Variants in TMCO4 observed in about 807,000 individuals in gnomAD.
TMCO4 encodes the protein transmembrane and coiled-coil domains 4, also known as transmembrane and coiled-coil domain-containing protein 4.
TMCO4 carries 58 observed loss-of-function variants against 64.7 expected under a neutral mutation model. That is an observed-to-expected ratio of 0.90 (90% CI 0.73 to 1.12). The LOEUF (loss-of-function observed/expected upper bound fraction) is 1.12. Among genes scored for constraint, TMCO4 ranks in the 50% most tolerant of loss-of-function variants. The pLI is 0.00. For missense variants in TMCO4, 780 were observed against 825.9 expected (o/e 0.94, Z 0.68); for synonymous variants, 325 against 346.1 (o/e 0.94, Z 0.68).
intron 13 of TMCO4, among the ~76,000 whole-genome samples, chr1:19,728,971 G>A (rs374661119): frequency 2.6e-5 from 4 of 152,150 alleles, no homozygotes; most frequent in Admixed American, 1.3e-4. Context: ...CTAATTGACC[G>A]TGAAGTTCTA....
chr1:19,705,180 G>A (rs1395524217), intron 13 of TMCO4, among the ~76,000 whole-genome samples: 1 of 152,178 alleles, frequency 6.6e-6, no homozygotes, highest in African/African-American at 2.4e-5. Context: ...GGCGGGCACC[G>A]TGGCTCACAC....
rs58086101 is a variant in TMCO4, at chr1:19,791,308, CTTAAAA to C, written c.-100-4197_-100-4192del. Among the ~76,000 whole-genome samples, 725 of 150,390 alleles carry C rather than the reference CTTAAAA, an allele frequency of 4.8e-3. 5 individuals carry two copies. Among genetic ancestry groups the C allele is most frequent in the African/African-American group, 0.016 (650 of 40,404 alleles). On this transcript the variant is annotated intron_variant, in intron 2 of 15. Coordinates refer to ENST00000294543, the MANE Select transcript of TMCO4 (RefSeq NM_181719.7). ...TACATCCTGTACATGTATCCCAGAA[CTTAAAA>C]TTAAAATTAAAATTAAAATTAAAAA...
rs979868643 is a variant in TMCO4 at position 19,743,812 on chromosome 1, C to T, written c.877+1720G>A. 2.0e-5 allele frequency among the ~76,000 whole-genome samples: 3 copies of T among 152,190 alleles called. No individual in the cohort carries two copies. The highest frequency in any genetic ancestry group is 3.8e-4 in the East Asian group (2 of 5,200). Reference sequence around the variant, plus strand: ...GTTTGAATTGTGCATCTGCTACTCCCCTGCCAGGGTTCCTCTTCCAACAGA... The same window carrying T: ...GTTTGAATTGTGCATCTGCTACTCCTCTGCCAGGGTTCCTCTTCCAACAGA... On this transcript the variant is annotated intron_variant, in intron 10 of 15. Transcript: ENST00000294543. The surrounding 1 kb of genome is among the most constrained non-coding windows in gnomAD (Gnocchi z 4.1).
intron 14 of TMCO4, 43 bp from the exon 15 acceptor site, chr1:19,694,594 C>A: frequency 6.3e-7 from 1 of 1,590,260 alleles, no homozygotes; most frequent in Non-Finnish European, 8.6e-7. Context: ...GCACCAGCCT[C>A]GGACAGCCCA....
rs535227898 is a variant in TMCO4 at position 19,753,313 on chromosome 1, T to C, written c.515+2321A>G. 2.6e-5 allele frequency among the ~76,000 whole-genome samples: 4 copies of C among 152,340 alleles called. No homozygotes were observed. The East Asian group carries it at 7.7e-4, about 29-fold the overall frequency. On this transcript the variant is annotated intron_variant, in intron 7 of 15. Transcript: ENST00000294543. Reference sequence around the variant, plus strand: ...CATGAGCTCACATCTTCTGAGACTCTACTATGTGCCAAGCACGGGTCCCAG... The same window carrying C: ...CATGAGCTCACATCTTCTGAGACTCCACTATGTGCCAAGCACGGGTCCCAG...
intron 10 of TMCO4, among the ~76,000 whole-genome samples, chr1:19,741,388 T>C (rs2095478411): frequency 6.6e-6 from 1 of 152,208 alleles, no homozygotes; most frequent in Non-Finnish European, 1.5e-5. Context: ...AGCACAGCGC[T>C]GTGAGTCTGC....
chr1:19,695,855 C>A (rs776715342), intron 14 of TMCO4, among the ~76,000 whole-genome samples: 1 of 152,160 alleles, frequency 6.6e-6, no homozygotes, highest in Non-Finnish European at 1.5e-5. Flanking sequence ...CTAACTCCTT[C>A]CCCACTGTAA....
intron 12 of TMCO4, among the ~76,000 whole-genome samples, 158 bp from the exon 13 acceptor site, chr1:19,737,614 ATC>A (rs2095461312): frequency 6.6e-6 from 1 of 152,254 alleles, no homozygotes; most frequent in Non-Finnish European, 1.5e-5. Context: ...TGATGTCTTA[ATC>A]AGCAGAGTCA....
At chr1:19,728,151 G>C (rs2100774862) in intron 13 of TMCO4, among the ~76,000 whole-genome samples, 1 of 152,282 alleles carries the variant, frequency 6.6e-6, no homozygotes, top group South Asian at 2.1e-4. Flanking sequence ...ACAAACTCCA[G>C]TAACATGAGT....
rs202018647 is a variant in TMCO4 at position 19,747,256 on chromosome 1, C to T, written c.520G>A (p.Ala174Thr). 289 of 1,613,138 alleles carry T rather than the reference C, an allele frequency of 1.8e-4. 6 individuals are homozygous for T. In the East Asian group the frequency reaches 6.3e-3, roughly 35 times the overall value. ...TCTTTCTTCTTTCGGGATGCCTCGG[C>T]CATTCTGAGGGAAAAGAGGCTGGTC... ...KEIKEEESEMAEASRKKKENR... is the reference protein window; with the variant it reads ...KEIKEEESEMTEASRKKKENR... Residue 174 changes from alanine to threonine, a missense_variant, in exon 8 of 16, where the codon GCC becomes ACC. Ala to Thr is a moderately conservative substitution (Grantham distance 58). Transcript: ENST00000294543.
intron 13 of TMCO4, among the ~76,000 whole-genome samples, chr1:19,727,170 G>A (rs11589741): frequency 6.6e-6 from 1 of 152,216 alleles, no homozygotes; most frequent in African/African-American, 2.4e-5. Flanking sequence ...TGGTGGGTCA[G>A]CTTCTGCGAC....
At position 19,767,007 on chromosome 1, in the gene TMCO4, T is replaced by A. The variant is rs1439697844; in HGVS notation, c.382+3535A>T. ...GCTGTTCCTCTTACCTGCTGGCACC[T>A]GTTGAGGCTATCAGATAAACCAAAG... On this transcript the variant is annotated intron_variant, in intron 6 of 15. Transcript: ENST00000294543. 2.0e-5 allele frequency among the ~76,000 whole-genome samples: 3 copies of A among 152,190 alleles called. No homozygotes were observed. The East Asian group carries it at 5.8e-4, about 29-fold the overall frequency.
chr1:19,785,996 C>T (rs577586741), intron 3 of TMCO4, among the ~76,000 whole-genome samples: 1 of 152,272 alleles, frequency 6.6e-6, no homozygotes, highest in East Asian at 1.9e-4. Context: ...CAGTGGCTCA[C>T]GCCTGTAATC....
intron 6 of TMCO4, among the ~76,000 whole-genome samples, chr1:19,756,617 C>A (rs2042266852): frequency 6.6e-6 from 1 of 152,064 alleles, no homozygotes; most frequent in Non-Finnish European, 1.5e-5. Flanking sequence ...CAGCCGAAAA[C>A]CAAGGGGCCA....
rs1433680508 is a variant in TMCO4, at chr1:19,746,546, T to C, written c.667A>G (p.Ile223Val). 3.7e-6 allele frequency: 6 copies of C among 1,611,466 alleles called. No individual in the cohort carries two copies. Among genetic ancestry groups the C allele is most frequent in the Non-Finnish European group, 5.1e-6 (6 of 1,178,960 alleles). Reference sequence around the variant, plus strand: ...AGAGCCGCTGCCCCGGCGCTGCCAATAATCGTCGCTGCTCCAGCGGCAACA... The same window carrying C: ...AGAGCCGCTGCCCCGGCGCTGCCAACAATCGTCGCTGCTCCAGCGGCAACA... ...PLVAAGAATIIGSAGAAALGS... is the reference protein window; with the variant it reads ...PLVAAGAATIVGSAGAAALGS... The change falls in exon 9 of 16, where the codon ATT becomes GTT. Residue 223 changes from isoleucine to valine, a missense_variant. Coordinates refer to ENST00000294543, the MANE Select transcript of TMCO4 (RefSeq NM_181719.7).
At chr1:19,738,209 C>G (rs974745487) in intron 12 of TMCO4, 1 of 152,250 alleles carries the variant, frequency 6.6e-6, no homozygotes, top group African/African-American at 2.4e-5. Context: ...CATCCCCACA[C>G]CACTCCACTT....
chr1:19,791,072 A>C (rs2044007467), intron 2 of TMCO4, among the ~76,000 whole-genome samples: 2 of 152,124 alleles, frequency 1.3e-5, no homozygotes, highest in Admixed American at 6.6e-5. Context: ...AAAACCAAAC[A>C]CCACATGTTC....
At position 19,746,571 on chromosome 1, in the gene TMCO4, A is replaced by C. The variant is rs752981081; in HGVS notation, c.642T>G (p.Leu214=). ...IGVTGGLAAP[L]VAAGAATIIG... is the part of the protein sequence containing the mutation. ...TAATCGTCGCTGCTCCAGCGGCAAC[A>C]AGGGGTGCAGCTAGACCTCCAGTCA... The change falls in exon 9 of 16, where the codon CTT becomes CTG. Residue 214 remains leucine, a synonymous_variant. Transcript: ENST00000294543. 6.2e-6 allele frequency: 10 copies of C among 1,610,982 alleles called. No homozygotes were observed. In the East Asian group the frequency reaches 2.2e-4, roughly 36 times the overall value.
At chr1:19,725,171 T>C (rs998424415) in intron 13 of TMCO4, among the ~76,000 whole-genome samples, 1 of 152,178 alleles carries the variant, frequency 6.6e-6, no homozygotes, top group Non-Finnish European at 1.5e-5. Flanking sequence ...GATTGACTAA[T>C]GGACCCTAGG....
Sources: allele counts gnomAD v4.1 joint callset (sites outside exome capture counted in the v4.1 genomes callset), GRCh38; gene constraint gnomAD v4.1.1; non-coding constraint Gnocchi (gnomAD v3.1); transcripts MANE v1.5; gene names NCBI Gene and HGNC (gene_info 2026-07-23, HGNC 2026-07-21).